The following SCAI variants were observed in gnomAD, a reference collection of about 807,000 sequenced individuals.
SCAI encodes the protein protein SCAI.
In SCAI, 24 loss-of-function variants were observed where a neutral mutation model predicts 92.2. That is an observed-to-expected ratio of 0.26 (90% confidence interval 0.19 to 0.37). The LOEUF (loss-of-function observed/expected upper bound fraction) is 0.37. Ranked by LOEUF, SCAI falls within the 10% of genes least tolerant of loss-of-function variation. SCAI has a pLI of 1.00. For synonymous variants in SCAI, 261 were observed against 258.6 expected (o/e 1.01, Z -0.09); for missense variants, 450 against 736.2 (o/e 0.61, Z 4.50).
chr9:125,019,505 T>A (rs1187022164), intron 7 of SCAI, among the ~76,000 whole-genome samples: 1 of 149,814 alleles, frequency 6.7e-6, no homozygotes, highest in Non-Finnish European at 1.5e-5. Context: ...ATTTTAACAA[T>A]AAAAAAAAAT....
At position 124,943,558 on chromosome 9, in the gene SCAI, A is replaced by G. The variant is rs921260316; in HGVS notation, c.*9249T>C. The stretch of plus-strand genomic sequence containing the variant: ...ATAATCCCTATAGTGTTAAAATTCT[A>G]TAACATTTCAGTTACAGACAAGCAC... On this transcript the variant is annotated 3_prime_UTR_variant, in exon 18 of 18. Coordinates refer to ENST00000336505, the MANE Select transcript of SCAI (RefSeq NM_001144877.3). 1.3e-5 allele frequency: 2 copies of G among 152,224 alleles called. No individual in the cohort carries two copies. The highest frequency in any genetic ancestry group is 4.8e-5 in the African/African-American group (2 of 41,458). 9.4% of individuals were successfully genotyped at this position (152,224 alleles called of 1,614,324 possible). A position where few individuals can be genotyped will look rare whatever the true frequency, so the allele number is the denominator to read the frequency against.
rs144770793 is a variant in SCAI, at chr9:125,067,772, T to C, written c.99-11765A>G. On this transcript the variant is annotated intron_variant, in intron 2 of 17. Transcript: ENST00000336505. ...CAGGCCTGGGAAACTAATACATAGA[T>C]ACATAATACATCGATAGAGTCCTTA... Among the ~76,000 whole-genome samples, 4 of 152,282 alleles carry C rather than the reference T, an allele frequency of 2.6e-5. No homozygotes were observed. In the East Asian group the frequency reaches 7.7e-4, roughly 29 times the overall value.
At position 124,951,561 on chromosome 9, in the gene SCAI, T is replaced by A. The variant is rs1207820439; in HGVS notation, c.*1246A>T. ...TACCTAGGGCCATGGGAAAGAGATATCAAAAGCAATCAGCTCACTTCTCCT... is the reference window on the plus strand; with the variant it reads ...TACCTAGGGCCATGGGAAAGAGATAACAAAAGCAATCAGCTCACTTCTCCT... On this transcript the variant is annotated 3_prime_UTR_variant, in exon 18 of 18. Transcript: ENST00000336505. 6.6e-6 allele frequency: 1 copy of A among 152,090 alleles called. No individual in the cohort carries two copies. The highest frequency in any genetic ancestry group is 6.6e-5 in the Admixed American group (1 of 15,256). The allele number at this position is 152,090 out of a possible 1,614,324, so 9.4% of individuals were successfully genotyped here.
intron 2 of SCAI, among the ~76,000 whole-genome samples, chr9:125,107,378 C>T (rs1834822608): frequency 6.8e-6 from 1 of 147,978 alleles, no homozygotes; most frequent in African/African-American, 2.5e-5. Context: ...CGCTGCACTC[C>T]AGCCTGGCGA....
In SCAI at chr9:124,946,339, G is replaced by C. The variant is rs1831145085; in HGVS notation, c.*6468C>G. The C allele has an allele frequency of 1.3e-5, 2 of 152,104 alleles. No homozygotes were observed. Among genetic ancestry groups the C allele is most frequent in the Admixed American group, 1.3e-4 (2 of 15,258 alleles). The allele number at this position is 152,104 out of a possible 1,614,324, so 9.4% of individuals were successfully genotyped here. Reference sequence around the variant, plus strand: ...CTATAATTGAAAAGTCTTATGAATAGTTGGCTGTTTTATTTAAAATATAAT... The same window carrying C: ...CTATAATTGAAAAGTCTTATGAATACTTGGCTGTTTTATTTAAAATATAAT... On this transcript the variant is annotated 3_prime_UTR_variant, in exon 18 of 18. Coordinates refer to ENST00000336505, the MANE Select transcript of SCAI (RefSeq NM_001144877.3). This position sits in a 1 kb window ranked among gnomAD's most constrained non-coding sequence, Gnocchi z 4.0.
At chr9:124,990,576 C>G (rs191547727) in intron 14 of SCAI, among the ~76,000 whole-genome samples, 1 of 151,660 alleles carries the variant, frequency 6.6e-6, no homozygotes, top group African/African-American at 2.4e-5. Context: ...GAGTTGGGGA[C>G]AGAAAGAGGA....
At chr9:124,971,140 C>T (rs1418438889) in intron 17 of SCAI, 12 of 259,770 alleles carry the variant, frequency 4.6e-5, no homozygotes, top group Admixed American at 3.2e-4. Context: ...TTTAAACAAA[C>T]GATAGGTACT....
chr9:125,022,720 G>A (rs886927770), intron 6 of SCAI, among the ~76,000 whole-genome samples: 3 of 152,072 alleles, frequency 2.0e-5, no homozygotes, highest in Admixed American at 6.6e-5. Context: ...TCTTGGCCTC[G>A]AAGAGTCTCT....
intron 2 of SCAI, among the ~76,000 whole-genome samples, chr9:125,117,262 A>G (rs1325962582): frequency 6.6e-6 from 1 of 152,222 alleles, no homozygotes; most frequent in East Asian, 1.9e-4. Context: ...TATTAGTCTT[A>G]TATTCTTTCA....
At chr9:125,076,791 C>T (rs10986549) in intron 2 of SCAI, among the ~76,000 whole-genome samples, 1,950 of 152,198 alleles carry the variant, frequency 0.013, 100 homozygotes, top group Admixed American at 0.082. Context: ...CCTCTGCCTC[C>T]CAGTTTCTAG....
intron 2 of SCAI, among the ~76,000 whole-genome samples, chr9:125,086,968 C>A (rs776707189): frequency 1.2e-4 from 19 of 152,184 alleles, no homozygotes; most frequent in African/African-American, 4.6e-4. Flanking sequence ...GTAAGTAATA[C>A]TGCCATTTAA....
intron 2 of SCAI, among the ~76,000 whole-genome samples, chr9:125,080,982 C>T (rs1351974146): frequency 6.6e-6 from 1 of 152,222 alleles, no homozygotes; most frequent in Non-Finnish European, 1.5e-5. Flanking sequence ...TTCCCCTGTA[C>T]AAGTTATCTC....
chr9:125,066,028 T>C, intron 2 of SCAI: 1 of 772,540 alleles, frequency 1.3e-6, no homozygotes, highest in South Asian at 1.4e-5. Context: ...CTTGAGATTG[T>C]GAATGACTGC....
At chr9:125,069,617 C>CTTTTTTTTTTTTT (rs919064250) in intron 2 of SCAI, among the ~76,000 whole-genome samples, 1 of 91,032 alleles carries the variant, frequency 1.1e-5, no homozygotes, top group East Asian at 3.7e-4. Flanking sequence ...TGCACCCGGT[C>CTTTTTTTTTTTTT]TTTTTTTTTT....
chr9:124,956,275 A>C (rs1196176280), intron 17 of SCAI, among the ~76,000 whole-genome samples: 2 of 152,074 alleles, frequency 1.3e-5, no homozygotes, highest in Admixed American at 1.3e-4. Flanking sequence ...CTGGAGTGCA[A>C]TGGCACAATC....
At chr9:125,099,395 T>C (rs1368464856) in intron 2 of SCAI, among the ~76,000 whole-genome samples, 1 of 152,080 alleles carries the variant, frequency 6.6e-6, no homozygotes, top group African/African-American at 2.4e-5. Context: ...CAAGTGATTC[T>C]TGTGACTCAG....
intron 2 of SCAI, among the ~76,000 whole-genome samples, chr9:125,106,935 G>T (rs1834814710): frequency 6.8e-6 from 1 of 147,402 alleles, no homozygotes. Flanking sequence ...CGCTGGTCTT[G>T]AACTCCTGGG....
chr9:124,976,103 AG>A lies in SCAI; in HGVS notation c.1399+10del. 1.3e-6 allele frequency: 2 copies of A among 1,573,724 alleles called. No homozygotes were observed. Among genetic ancestry groups the A allele is most frequent in the African/African-American group, 1.3e-5 (1 of 74,282 alleles). On this transcript the variant is annotated intron_variant, in intron 15 of 17. Coordinates refer to ENST00000336505, the MANE Select transcript of SCAI (RefSeq NM_001144877.3). ...CAACCTATGGCTATACCAGGCAATG[AG>A]GGTACATACCTTGTAAAGCTTTTGG...
chr9:125,027,545 G>A (rs1300841330), intron 5 of SCAI, among the ~76,000 whole-genome samples: 2 of 152,006 alleles, frequency 1.3e-5, no homozygotes, highest in African/African-American at 4.8e-5. Flanking sequence ...TTGAGACAGA[G>A]TTTCACTCTT....
Sources: allele counts gnomAD v4.1 joint callset (sites outside exome capture counted in the v4.1 genomes callset), GRCh38; gene constraint gnomAD v4.1.1; non-coding constraint Gnocchi (gnomAD v3.1); transcripts MANE v1.5; gene names NCBI Gene and HGNC (gene_info 2026-07-23, HGNC 2026-07-21).